ADAMTS17: variants seen among roughly 807,000 people sequenced by gnomAD.
ADAMTS17 encodes A disintegrin and metalloproteinase with thrombospondin motifs 17.
Under a neutral mutation model 141.5 loss-of-function variants are expected in ADAMTS17, and 113 were observed. That is an observed-to-expected ratio of 0.80 (90% CI 0.69 to 0.93). The LOEUF is 0.93. Among genes scored for constraint, ADAMTS17 ranks in the 40% least tolerant of loss-of-function variants. The probability of loss-of-function intolerance (pLI) is 0.00; values close to 1 mark genes in which losing one functional copy is unlikely to be tolerated. For missense variants in ADAMTS17, 1,659 were observed against 1,517.9 expected, an observed-to-expected ratio of 1.09 and a Z score of -1.54; for synonymous variants, 768 against 630.6, an observed-to-expected ratio of 1.22 and a Z score of -3.27.
At chr15:100,279,966 A>C (rs936472969) in intron 4 of ADAMTS17, among the ~76,000 whole-genome samples, 2 of 152,064 alleles carry the variant, frequency 1.3e-5, no homozygotes, top group Non-Finnish European at 2.9e-5. Context: ...TCTTCAGGAC[A>C]ACCTCCTCCC....
chr15:100,265,715 G>A (rs890903028), intron 4 of ADAMTS17, among the ~76,000 whole-genome samples: 2 of 152,170 alleles, frequency 1.3e-5, no homozygotes, highest in Non-Finnish European at 2.9e-5. Context: ...AGCCACACAG[G>A]GACCTGTGGG....
chr15:100,170,571 T>G (rs2040122738), intron 8 of ADAMTS17, among the ~76,000 whole-genome samples: 1 of 152,220 alleles, frequency 6.6e-6, no homozygotes, highest in Non-Finnish European at 1.5e-5. Context: ...AAGATGAAAT[T>G]TGGTTTGTTC....
intron 2 of ADAMTS17, among the ~76,000 whole-genome samples, chr15:100,338,093 C>G (rs1444829057): frequency 6.6e-6 from 1 of 152,086 alleles, no homozygotes; most frequent in Non-Finnish European, 1.5e-5. Flanking sequence ...AAACAGAAAA[C>G]AATTAATACT....
chr15:100,118,123 T>C (rs900767582), intron 12 of ADAMTS17, among the ~76,000 whole-genome samples: 2 of 152,230 alleles, frequency 1.3e-5, no homozygotes, highest in African/African-American at 4.8e-5. Context: ...GTTGAAAACA[T>C]GTTTCTGTGA....
At chr15:100,190,391 T>C (rs564766662) in intron 8 of ADAMTS17, among the ~76,000 whole-genome samples, 46 of 152,276 alleles carry the variant, frequency 3.0e-4, no homozygotes, top group South Asian at 6.2e-4. Context: ...ATCTGTGACC[T>C]CAAACAGATG....
chr15:100,288,248 A>G (rs1310800503), intron 3 of ADAMTS17, among the ~76,000 whole-genome samples: 1 of 152,238 alleles, frequency 6.6e-6, no homozygotes, highest in Non-Finnish European at 1.5e-5. Context: ...GCTTTAAGCC[A>G]ACAATAATTT....
intron 7 of ADAMTS17, among the ~76,000 whole-genome samples, chr15:100,227,316 T>C (rs1446341354): frequency 8.9e-6 from 1 of 112,026 alleles, no homozygotes; most frequent in Non-Finnish European, 1.9e-5. Context: ...AAAACTGAGA[T>C]CCTCTGTCTT....
At chr15:100,020,938 C>T (rs1023570360) in intron 18 of ADAMTS17, among the ~76,000 whole-genome samples, 3 of 152,214 alleles carry the variant, frequency 2.0e-5, no homozygotes, top group Non-Finnish European at 4.4e-5. Flanking sequence ...TCCTCCTGGG[C>T]TTCTCCAGTG....
intron 21 of ADAMTS17, among the ~76,000 whole-genome samples, chr15:99,974,796 G>A (rs1395704673): frequency 1.3e-5 from 2 of 152,258 alleles, no homozygotes; most frequent in South Asian, 2.1e-4. Flanking sequence ...GTGGTGGTCT[G>A]GCTGCCTCTT....
At chr15:100,263,420 G>C (rs1459098899) in intron 4 of ADAMTS17, among the ~76,000 whole-genome samples, 1 of 152,168 alleles carries the variant, frequency 6.6e-6, no homozygotes, top group African/African-American at 2.4e-5. Context: ...ACCAAAGTTT[G>C]TCACTGAAAT....
chr15:100,184,872 A>G (rs1165200567), intron 8 of ADAMTS17, among the ~76,000 whole-genome samples: 1 of 152,100 alleles, frequency 6.6e-6, no homozygotes, highest in Admixed American at 6.5e-5. Flanking sequence ...GTCCTGTCCC[A>G]CTGTGGCCTG....
intron 15 of ADAMTS17, among the ~76,000 whole-genome samples, chr15:100,060,475 G>A (rs1452531071): frequency 4.6e-5 from 7 of 152,218 alleles, no homozygotes; most frequent in African/African-American, 1.7e-4. Context: ...TCCAGGGAGC[G>A]AGGTGGGGGC....
rs1373878616 is a variant in ADAMTS17 at position 99,977,372 on chromosome 15, A to T, written c.2950-1150T>A. On this transcript the variant is annotated intron_variant, in intron 20 of 21. Transcript: ENST00000268070. Reference sequence around the variant, plus strand: ...TTCATATATATATATATATATATATATATATATATATATATATATATATAT... The same window carrying T: ...TTCATATATATATATATATATATATTTATATATATATATATATATATATAT... Among the ~76,000 whole-genome samples the T allele has an allele frequency of 4.7e-3, 58 of 12,396 alleles. 4 individuals carry two copies. Among genetic ancestry groups the T allele is most frequent in the African/African-American group, 0.017 (41 of 2,452 alleles). The allele number at this position is 12,396 out of a possible 152,430, so 8.1% of individuals were successfully genotyped here. A position where few individuals can be genotyped will look rare whatever the true frequency, so the allele number is the denominator to read the frequency against.
intron 13 of ADAMTS17, among the ~76,000 whole-genome samples, chr15:100,113,382 T>C (rs1323553021): frequency 6.6e-6 from 1 of 152,214 alleles, no homozygotes; most frequent in Non-Finnish European, 1.5e-5. Flanking sequence ...CTCTAGGTAG[T>C]GTCAGTATCC....
chr15:100,306,762 T>C (rs2045241061), intron 3 of ADAMTS17, among the ~76,000 whole-genome samples: 1 of 152,188 alleles, frequency 6.6e-6, no homozygotes, highest in Non-Finnish European at 1.5e-5. Context: ...GTAGAAACCC[T>C]TATGCCCTGC....
intron 18 of ADAMTS17, among the ~76,000 whole-genome samples, chr15:100,038,068 T>A (rs1387442033): frequency 6.6e-6 from 1 of 152,228 alleles, no homozygotes; most frequent in Non-Finnish European, 1.5e-5. Context: ...CACCTCCAAC[T>A]GCATTCTCTT....
intron 7 of ADAMTS17, among the ~76,000 whole-genome samples, chr15:100,250,339 A>G (rs948214241): frequency 2.0e-5 from 3 of 152,218 alleles, no homozygotes; most frequent in Non-Finnish European, 4.4e-5. Flanking sequence ...TACAGAACTC[A>G]AGACACAGCA....
intron 3 of ADAMTS17, among the ~76,000 whole-genome samples, chr15:100,304,019 C>A (rs568032434): frequency 1.4e-4 from 22 of 152,340 alleles, no homozygotes; most frequent in South Asian, 6.2e-4. Flanking sequence ...CCGCCGCACC[C>A]GGCCTTAATC....
At chr15:99,977,401 A>T (rs9920468) in intron 20 of ADAMTS17, among the ~76,000 whole-genome samples, 428 of 5,126 alleles carry the variant, frequency 0.083, 102 homozygotes, top group South Asian at 0.24. Flanking sequence ...TATATATATA[A>T]TTTTTTTTTT....
Sources: gnomAD v4.1 joint callset for allele counts (sites outside exome capture counted in the v4.1 genomes callset) on GRCh38, gnomAD v4.1.1 for gene constraint, MANE v1.5 for transcripts, NCBI Gene and HGNC (gene_info 2026-07-23, HGNC 2026-07-21) for gene names.